The following TIAL1 variants were observed in gnomAD, a reference collection of about 807,000 sequenced individuals.
TIAL1 encodes the protein TIA1 cytotoxic granule associated RNA binding protein like 1.
Under a neutral mutation model 59.7 loss-of-function variants are expected in TIAL1, and 7 were observed. The ratio of observed to expected loss-of-function variants is 0.12; its 90% CI spans 0.07 to 0.22. The LOEUF is 0.22. Among genes scored for constraint, TIAL1 ranks in the 10% least tolerant of loss-of-function variants. The pLI is 1.00. For missense variants in TIAL1, 225 were observed against 462.5 expected (o/e 0.49, Z 4.71); for synonymous variants, 149 against 146.3 (o/e 1.02, Z -0.13).
At chr10:119,596,103 G>A (rs1018284324) in intron 1 of TIAL1, among the ~76,000 whole-genome samples, 1 of 151,890 alleles carries the variant, frequency 6.6e-6, no homozygotes, top group Non-Finnish European at 1.5e-5. Flanking sequence ...CCCAGCCCAG[G>A]GCGTCCAACG....
chr10:119,593,593 C>G, intron 1 of TIAL1: 1 of 658,966 alleles, frequency 1.5e-6, no homozygotes. Flanking sequence ...AGAACACATT[C>G]TTTTAAAACA....
At position 119,579,930 on chromosome 10, in the gene TIAL1, C is replaced by T. The variant is rs1845223576; in HGVS notation, c.447+5G>A. 1.3e-6 allele frequency: 2 copies of T among 1,578,686 alleles called. No homozygotes were observed. Among genetic ancestry groups the T allele is most frequent in the Non-Finnish European group, 1.7e-6 (2 of 1,166,050 alleles). ...AAAAATATAAATTGAGATGGAAGAA[C>T]GTACCAGTTTGTTATAAAAAGATAC... On this transcript the variant is annotated splice_donor_5th_base_variant and intron_variant, in intron 6 of 11. Transcript: ENST00000436547.
chr10:119,592,655 T>A (rs1016508310), intron 1 of TIAL1, among the ~76,000 whole-genome samples: 4 of 152,196 alleles, frequency 2.6e-5, no homozygotes, highest in Non-Finnish European at 5.9e-5. Flanking sequence ...AGATCTCTAA[T>A]TAATTGTTCA....
intron 7 of TIAL1, 25 bp from the exon 8 acceptor site, chr10:119,577,761 C>A (rs760071869): frequency 6.4e-7 from 1 of 1,556,720 alleles, no homozygotes; most frequent in Non-Finnish European, 8.9e-7. Context: ...AAAACAAAAA[C>A]GTTGACTGTT....
rs530190539 is a variant in TIAL1 at position 119,594,067 on chromosome 10, T to C, written c.32+2367A>G. ...ACCTAGGAAGATGTAGTAGTCCTTC[T>C]CTTAAAAAAAAAAAAAGGCCCTATG... On this transcript the variant is annotated intron_variant, in intron 1 of 11. Coordinates refer to ENST00000436547, the MANE Select transcript of TIAL1 (RefSeq NM_003252.4). Among the ~76,000 whole-genome samples, 20 of 131,536 alleles carry C rather than the reference T, an allele frequency of 1.5e-4. No homozygotes were observed. The East Asian group carries it at 5.0e-3, about 33-fold the overall frequency. 86.3% of individuals were successfully genotyped at this position (131,536 alleles called of 152,430 possible). A position where few individuals can be genotyped will look rare whatever the true frequency, so the allele number is the denominator to read the frequency against.
intron 7 of TIAL1, 27 bp from the exon 8 acceptor site, chr10:119,577,763 T>A: frequency 6.5e-7 from 1 of 1,545,130 alleles, no homozygotes; most frequent in Non-Finnish European, 8.9e-7. Context: ...AACAAAAACG[T>A]TGACTGTTAT....
At chr10:119,585,760 C>G (rs1845542284) in intron 2 of TIAL1, among the ~76,000 whole-genome samples, 1 of 152,172 alleles carries the variant, frequency 6.6e-6, no homozygotes, top group South Asian at 2.1e-4. Flanking sequence ...TGTCAGCTTC[C>G]AAGCTAACCA....
At position 119,596,620 on chromosome 10, in the gene TIAL1, C is replaced by G. The variant is rs1846215711; in HGVS notation, c.-155G>C. 1.6e-6 allele frequency: 1 copy of G among 625,502 alleles called. No homozygotes were observed. The highest frequency in any genetic ancestry group is 2.8e-6 in the Non-Finnish European group (1 of 359,302). The allele number at this position is 625,502 out of a possible 1,614,324, so 38.7% of individuals were successfully genotyped here. On this transcript the variant is annotated 5_prime_UTR_variant, in exon 1 of 12. Transcript: ENST00000436547. ...TCGGGCTCTCTCCCCCCAGCCCGCT[C>G]CGGACACTGCGCTCCAACCAGGAGG...
chr10:119,577,812 A>G lies in TIAL1; in HGVS notation c.557-76T>C. 3 of 1,304,402 alleles carry G rather than the reference A, an allele frequency of 2.3e-6. No individual in the cohort carries two copies. The South Asian group carries it at 3.6e-5, about 16-fold the overall frequency. The allele number at this position is 1,304,402 out of a possible 1,614,324, so 80.8% of individuals were successfully genotyped here. ...ACTCTTCTGTTAATTACTATATACTATTAAGATATGCCTCAGGCCGGGCAC... is the reference window on the plus strand; with the variant it reads ...ACTCTTCTGTTAATTACTATATACTGTTAAGATATGCCTCAGGCCGGGCAC... On this transcript the variant is annotated intron_variant, in intron 7 of 11. Coordinates refer to ENST00000436547, the MANE Select transcript of TIAL1 (RefSeq NM_003252.4).
chr10:119,590,736 GA>G (rs1415004132), intron 1 of TIAL1, among the ~76,000 whole-genome samples: 1 of 136,506 alleles, frequency 7.3e-6, no homozygotes, highest in Non-Finnish European at 1.6e-5. Context: ...AAGAAAGAGA[GA>G]AAGAGAGAGA....
chr10:119,582,410 G>C lies in TIAL1; in HGVS notation c.228+49C>G. The C allele has an allele frequency of 6.5e-7, 1 of 1,534,376 alleles. No homozygotes were observed. The highest frequency in any genetic ancestry group is 2.2e-4 in the Middle Eastern group (1 of 4,524). On this transcript the variant is annotated intron_variant, in intron 3 of 11. Coordinates refer to ENST00000436547, the MANE Select transcript of TIAL1 (RefSeq NM_003252.4). The surrounding 1 kb of genome is among the most constrained non-coding windows in gnomAD (Gnocchi z 5.1). ...GCCTAGAAAGAATACAAACTAGTTTGACATGCAAATATATGTACTCATAAG... is the reference window on the plus strand; with the variant it reads ...GCCTAGAAAGAATACAAACTAGTTTCACATGCAAATATATGTACTCATAAG...
In TIAL1 at chr10:119,582,297, A is replaced by G; in HGVS notation, c.229-74T>C. 1 of 1,479,088 alleles carries G rather than the reference A, an allele frequency of 6.8e-7. No individual in the cohort carries two copies. Among genetic ancestry groups the G allele is most frequent in the Non-Finnish European group, 9.2e-7 (1 of 1,092,240 alleles). 91.6% of individuals were successfully genotyped at this position (1,479,088 alleles called of 1,614,324 possible). The stretch of plus-strand genomic sequence containing the variant: ...TACAACACTTACCACTTATTAAATC[A>G]TTTATCAAGCAGGGTTATTTTTGTA... On this transcript the variant is annotated intron_variant, in intron 3 of 11. Coordinates refer to ENST00000436547, the MANE Select transcript of TIAL1 (RefSeq NM_003252.4). This position sits in a 1 kb window ranked among gnomAD's most constrained non-coding sequence, Gnocchi z 5.1.
intron 9 of TIAL1, 70 bp downstream of exon 9, chr10:119,577,381 C>G: frequency 6.7e-7 from 1 of 1,495,780 alleles, no homozygotes; most frequent in Non-Finnish European, 9.1e-7. Context: ...ACACTGATAC[C>G]CTGGAGAACA....
In TIAL1 at chr10:119,596,481, G is replaced by A. The variant is rs1453827713; in HGVS notation, c.-16C>T. On this transcript the variant is annotated 5_prime_UTR_variant, in exon 1 of 12. Transcript: ENST00000436547. Reference sequence around the variant, plus strand: ...CTTCCATCATGGTGGGTGCGACGGAGCGATCCCGGGACAAGGGGGAGGGCA... The same window carrying A: ...CTTCCATCATGGTGGGTGCGACGGAACGATCCCGGGACAAGGGGGAGGGCA... 4.2e-5 allele frequency: 65 copies of A among 1,541,112 alleles called. No homozygotes were observed. Among genetic ancestry groups the A allele is most frequent in the Non-Finnish European group, 5.3e-5 (60 of 1,138,230 alleles).
chr10:119,594,122 C>T (rs1846030215), intron 1 of TIAL1, among the ~76,000 whole-genome samples: 1 of 147,818 alleles, frequency 6.8e-6, no homozygotes, highest in African/African-American at 2.5e-5. Context: ...AAAAGGAAGA[C>T]AGAATAGTAA....
intron 2 of TIAL1, among the ~76,000 whole-genome samples, chr10:119,586,777 T>G (rs1845588880): frequency 6.6e-6 from 1 of 152,216 alleles, no homozygotes; most frequent in Non-Finnish European, 1.5e-5. Context: ...AGACTTGTAT[T>G]TGCTGTTTCC....
intron 1 of TIAL1, among the ~76,000 whole-genome samples, chr10:119,591,481 G>A (rs1845879185): frequency 6.6e-6 from 1 of 152,048 alleles, no homozygotes. Context: ...ATTTCTAGAG[G>A]CATATTTAGA....
At position 119,576,441 on chromosome 10, in the gene TIAL1, G is replaced by T. The variant is rs912204403; in HGVS notation, c.1001+170C>A. Among the ~76,000 whole-genome samples the T allele has an allele frequency of 4.6e-5, 7 of 152,156 alleles. No homozygotes were observed. The East Asian group carries it at 1.2e-3, about 25-fold the overall frequency. ...CCCCTTTCCACCTAGGTAATGAGAA[G>T]TAATTTCTTAGCCTCATAAATCATA... On this transcript the variant is annotated intron_variant, in intron 11 of 11. Transcript: ENST00000436547.
intron 1 of TIAL1, 47 bp downstream of exon 1, chr10:119,596,387 G>A (rs1009057470): frequency 1.2e-6 from 2 of 1,608,494 alleles, no homozygotes; most frequent in Non-Finnish European, 1.7e-6. Context: ...GCGTCCCGCG[G>A]TGCCCGGGCC....
Sources: allele counts gnomAD v4.1 joint callset (sites outside exome capture counted in the v4.1 genomes callset), GRCh38; gene constraint gnomAD v4.1.1; non-coding constraint Gnocchi (gnomAD v3.1); transcripts MANE v1.5; gene names NCBI Gene and HGNC (gene_info 2026-07-23, HGNC 2026-07-21).